Variants in PDE5A observed in about 807,000 individuals in gnomAD.
PDE5A encodes the protein phosphodiesterase 5A, also known as cGMP-specific 3',5'-cyclic phosphodiesterase.
A neutral mutation model predicts 110.2 loss-of-function variants in PDE5A; 67 were observed. That is an observed-to-expected ratio of 0.61 (90% CI 0.50 to 0.75). The LOEUF (loss-of-function observed/expected upper bound fraction) is 0.75. PDE5A is among the 30% of genes least tolerant of loss of function. The probability of loss-of-function intolerance (pLI) is 0.00; values close to 1 mark genes in which losing one functional copy is unlikely to be tolerated. For synonymous variants in PDE5A, 328 were observed against 351.2 expected (o/e 0.93, Z 0.74); for missense variants, 862 against 1,045.1 (o/e 0.82, Z 2.42).
At chr4:119,625,408 T>C (rs1214081954) in intron 1 of PDE5A, among the ~76,000 whole-genome samples, 1 of 152,164 alleles carries the variant, frequency 6.6e-6, no homozygotes, top group Non-Finnish European at 1.5e-5. Flanking sequence ...TCACAGGTGT[T>C]TGAGAATTTA....
At position 119,607,161 on chromosome 4, in the gene PDE5A, G is replaced by C; in HGVS notation, c.289C>G (p.Pro97Ala). The change falls in exon 2 of 21, where the codon CCA becomes GCA. Residue 97 changes from proline to alanine, a missense_variant. By Grantham distance (27) the Pro-to-Ala change is conservative (BLOSUM62 -1). Transcript: ENST00000354960. ...TCAGAGGCAGAGATTTTCCTGGTTG[G>C]TGTTCCAGGGGCACTGTTATCTGCA... ...PRADNSAPGTPTRKISASEFD... is the reference protein window; with the variant it reads ...PRADNSAPGTATRKISASEFD... The C allele has an allele frequency of 6.2e-7, 1 of 1,614,106 alleles. No individual in the cohort carries two copies. The highest frequency in any genetic ancestry group is 2.2e-5 in the East Asian group (1 of 44,858).
intron 3 of PDE5A, among the ~76,000 whole-genome samples, chr4:119,578,351 T>C (rs867664440): frequency 2.6e-5 from 4 of 152,152 alleles, no homozygotes; most frequent in African/African-American, 7.2e-5. Context: ...AGAGTTCATA[T>C]GGAACCAAAA....
At chr4:119,565,446 AT>A (rs1272817740) in intron 4 of PDE5A, 36 bp from the exon 5 acceptor site, 1 of 1,403,282 alleles carries the variant, frequency 7.1e-7, no homozygotes. Flanking sequence ...AAAACGGTAC[AT>A]AAAACAGTCT....
At chr4:119,512,079 T>C (rs758279595) in intron 14 of PDE5A, among the ~76,000 whole-genome samples, 1 of 152,164 alleles carries the variant, frequency 6.6e-6, no homozygotes, top group Non-Finnish European at 1.5e-5. Context: ...TATTTCTTCC[T>C]ATTACTATCT....
chr4:119,523,200 T>C (rs1033575690), intron 12 of PDE5A, among the ~76,000 whole-genome samples: 9 of 152,038 alleles, frequency 5.9e-5, no homozygotes, highest in African/African-American at 1.7e-4. Context: ...GAACAGACAT[T>C]ATTCAGGGAG....
intron 1 of PDE5A, 58 bp downstream of exon 1, chr4:119,628,462 G>A: frequency 7.1e-6 from 10 of 1,403,702 alleles, no homozygotes; most frequent in Non-Finnish European, 9.7e-6. Context: ...TGAACGAAGG[G>A]CACAATTCAA....
Position 119,507,687 on chromosome 4 carries a change from A to G in PDE5A, c.2106T>C (p.Ser702=). The change falls in exon 16 of 21, where the codon AGT becomes AGC. Residue 702 remains serine (S), a synonymous_variant. Transcript: ENST00000354960. ...TCTTATATTCTTCAATGGAGAGGCC[A>G]CTGAGAATCTGATTGCCCTTTATAA... The part of the protein sequence containing the change: ...ILNSPGNQIL[S]GLSIEEYKTT... 6.3e-7 allele frequency: 1 copy of G among 1,584,464 alleles called. No homozygotes were observed. Among genetic ancestry groups the G allele is most frequent in the Non-Finnish European group, 8.5e-7 (1 of 1,170,400 alleles).
At chr4:119,600,561 G>C (rs375612424) in intron 2 of PDE5A, among the ~76,000 whole-genome samples, 1 of 151,966 alleles carries the variant, frequency 6.6e-6, no homozygotes, top group South Asian at 2.1e-4. Context: ...CAAACATTCT[G>C]ATTAGCCAGA....
chr4:119,523,714 G>A (rs1332728750), intron 12 of PDE5A, among the ~76,000 whole-genome samples: 6 of 151,970 alleles, frequency 3.9e-5, no homozygotes, highest in Non-Finnish European at 7.4e-5. Flanking sequence ...ACCCTCAAAT[G>A]CTATCTAAAG....
At chr4:119,534,513 C>T (rs1726665853) in intron 11 of PDE5A, among the ~76,000 whole-genome samples, 1 of 152,090 alleles carries the variant, frequency 6.6e-6, no homozygotes, top group African/African-American at 2.4e-5. Context: ...CCGCCCGCCC[C>T]CCAACCCAAC....
intron 5 of PDE5A, among the ~76,000 whole-genome samples, chr4:119,563,712 G>T (rs1422352640): frequency 1.3e-5 from 2 of 152,128 alleles, no homozygotes; most frequent in Non-Finnish European, 2.9e-5. Context: ...GCGTTAAGTA[G>T]AAAAAGAACC....
chr4:119,606,420 A>C (rs1031701073), intron 2 of PDE5A, among the ~76,000 whole-genome samples: 3 of 152,118 alleles, frequency 2.0e-5, no homozygotes, highest in Non-Finnish European at 4.4e-5. Context: ...AGATGGGAGA[A>C]TATAACCATG....
At chr4:119,509,315 ACAAT>A (rs1394393791) in intron 15 of PDE5A, among the ~76,000 whole-genome samples, 1 of 152,036 alleles carries the variant, frequency 6.6e-6, no homozygotes, top group African/African-American at 2.4e-5. Flanking sequence ...ATGGACAAAA[ACAAT>A]CAAGTAGAAA....
chr4:119,550,610 G>A (rs933713731), intron 9 of PDE5A, among the ~76,000 whole-genome samples: 12 of 152,134 alleles, frequency 7.9e-5, no homozygotes, highest in African/African-American at 2.4e-4. Context: ...GCCACTCCCC[G>A]TTCCCAGTTA....
intron 1 of PDE5A, among the ~76,000 whole-genome samples, chr4:119,618,538 C>T (rs910576263): frequency 3.3e-5 from 5 of 151,668 alleles, no homozygotes; most frequent in African/African-American, 1.2e-4. Context: ...TTCTGAATTT[C>T]ATATTAAGAT....
At chr4:119,551,774 T>C (rs188001195) in intron 9 of PDE5A, 53 of 152,348 alleles carry the variant, frequency 3.5e-4, no homozygotes, top group Middle Eastern at 3.4e-3. Flanking sequence ...AATCTTGCAA[T>C]TGGAAAAGTA....
intron 1 of PDE5A, among the ~76,000 whole-genome samples, chr4:119,610,034 G>T (rs1242397263): frequency 6.6e-6 from 1 of 152,130 alleles, no homozygotes; most frequent in Non-Finnish European, 1.5e-5. Flanking sequence ...CAATGTGGTA[G>T]GTAAGTGTAT....
At chr4:119,526,429 C>T (rs1411205480) in intron 11 of PDE5A, among the ~76,000 whole-genome samples, 1 of 152,102 alleles carries the variant, frequency 6.6e-6, no homozygotes, top group Non-Finnish European at 1.5e-5. Context: ...AGGCTCCTCT[C>T]CTAGATGTTT....
At chr4:119,502,510 C>T (rs555134745) in intron 19 of PDE5A, 71 bp downstream of exon 19, 2 of 828,464 alleles carry the variant, frequency 2.4e-6, no homozygotes, top group African/African-American at 1.7e-5. Context: ...TCCCATAGAG[C>T]CATAAAAAGG....
Sources: allele counts gnomAD v4.1 joint callset (sites outside exome capture counted in the v4.1 genomes callset), GRCh38; gene constraint gnomAD v4.1.1; transcripts MANE v1.5; gene names NCBI Gene and HGNC (gene_info 2026-07-23, HGNC 2026-07-21).